The following PPFIA1 variants were observed in gnomAD, a reference collection of about 807,000 sequenced individuals.
The protein encoded by PPFIA1 is PPFI scaffold protein A1.
PPFIA1 carries 25 observed loss-of-function variants against 149.9 expected under a neutral mutation model. The observed-to-expected ratio is 0.17, with a 90% CI of 0.12 to 0.23. The LOEUF (loss-of-function observed/expected upper bound fraction) is 0.23. PPFIA1 is among the 10% of genes least tolerant of loss of function. The pLI, the probability that PPFIA1 is intolerant of heterozygous loss-of-function variation, is 1.00. For missense variants in PPFIA1, 1,362 were observed against 1,506.5 expected, an observed-to-expected ratio of 0.90 and a Z score of 1.59; for synonymous variants, 549 against 552.8, an observed-to-expected ratio of 0.99 and a Z score of 0.10.
chr11:70,315,644 C>A (rs2053562522), intron 2 of PPFIA1, among the ~76,000 whole-genome samples: 2 of 140,650 alleles, frequency 1.4e-5, no homozygotes, highest in East Asian at 4.5e-4. Flanking sequence ...TGAGAAGACA[C>A]AAGACTTTGC....
At chr11:70,304,016 G>T (rs115143889) in intron 2 of PPFIA1, among the ~76,000 whole-genome samples, 19,303 of 145,414 alleles carry the variant, frequency 0.13, 1,335 homozygotes, top group Admixed American at 0.18. Flanking sequence ...AAAAAGAAAA[G>T]ACAAAAAAAA....
chr11:70,299,364 T>C (rs534598921), intron 2 of PPFIA1, among the ~76,000 whole-genome samples: 9 of 152,342 alleles, frequency 5.9e-5, no homozygotes, highest in African/African-American at 2.2e-4. Flanking sequence ...GTGCTTCTGC[T>C]GACATCTCTC....
intron 2 of PPFIA1, among the ~76,000 whole-genome samples, chr11:70,307,254 G>A (rs2052913222): frequency 6.6e-6 from 1 of 152,188 alleles, no homozygotes; most frequent in African/African-American, 2.4e-5. Context: ...ATAGAATGAT[G>A]TATTTACAAG....
intron 2 of PPFIA1, among the ~76,000 whole-genome samples, chr11:70,305,236 CAT>C (rs1355120235): frequency 8.5e-5 from 13 of 152,122 alleles, no homozygotes; most frequent in Admixed American, 7.2e-4. Flanking sequence ...GGGGAGAAAA[CAT>C]AGGTTCAGAA....
At chr11:70,271,615 T>C (rs2050099570) in intron 1 of PPFIA1, among the ~76,000 whole-genome samples, 1 of 152,128 alleles carries the variant, frequency 6.6e-6, no homozygotes, top group African/African-American at 2.4e-5. Flanking sequence ...ATCCGGTTCC[T>C]TTTAGTGCTC....
intron 2 of PPFIA1, among the ~76,000 whole-genome samples, chr11:70,280,637 T>G (rs1470153466): frequency 6.6e-6 from 1 of 152,196 alleles, no homozygotes; most frequent in Non-Finnish European, 1.5e-5. Context: ...GCGTGATCAC[T>G]GTTCACTGCA....
At chr11:70,369,050 A>G (rs1381730712) in intron 21 of PPFIA1, among the ~76,000 whole-genome samples, 1 of 150,862 alleles carries the variant, frequency 6.6e-6, no homozygotes, top group Non-Finnish European at 1.5e-5. Context: ...TCTGCCTCCC[A>G]TAGTGCTGGG....
In PPFIA1 at chr11:70,339,311, G is replaced by C; in HGVS notation, c.1707+5G>C. On this transcript the variant is annotated splice_donor_5th_base_variant and intron_variant, in intron 14 of 27. Transcript: ENST00000253925. The stretch of plus-strand genomic sequence containing the variant: ...CTGCGAGATGAGCCTTCCAAGGCAA[G>C]GTCTTTGTGTGAAATACCTCTGCTT... 1 of 1,611,286 alleles carries C rather than the reference G, an allele frequency of 6.2e-7. No homozygotes were observed. The highest frequency in any genetic ancestry group is 8.5e-7 in the Non-Finnish European group (1 of 1,177,906).
chr11:70,311,715 G>A (rs946148770), intron 2 of PPFIA1, among the ~76,000 whole-genome samples: 1 of 152,040 alleles, frequency 6.6e-6, no homozygotes, highest in African/African-American at 2.4e-5. Flanking sequence ...ACCATGGGTA[G>A]AGTGTAGCTG....
rs1438649775 is a variant in PPFIA1, at chr11:70,376,663, GA to G, written c.3384+66del. 4.1e-5 allele frequency: 54 copies of G among 1,314,990 alleles called. 1 individual carries two copies. The South Asian group carries it at 6.4e-4, about 16-fold the overall frequency. 81.5% of individuals were successfully genotyped at this position (1,314,990 alleles called of 1,614,324 possible). A position where few individuals can be genotyped will look rare whatever the true frequency, so the allele number is the denominator to read the frequency against. On this transcript the variant is annotated intron_variant, in intron 25 of 27. Coordinates refer to ENST00000253925, the MANE Select transcript of PPFIA1 (RefSeq NM_003626.5). ...TGTGTGTAAATGTTTAAATGTGTGTGAAATGTAAGCTGTTATTATTATTATA... is the reference window on the plus strand; with the variant it reads ...TGTGTGTAAATGTTTAAATGTGTGTGAATGTAAGCTGTTATTATTATTATA...
intron 19 of PPFIA1, chr11:70,358,620 G>C (rs892825608): frequency 6.6e-6 from 1 of 152,178 alleles, no homozygotes; most frequent in African/African-American, 2.4e-5. Flanking sequence ...AAGAACGAAC[G>C]TATATTTCTC....
chr11:70,373,717 G>A (rs1368667428), intron 23 of PPFIA1: 2 of 152,142 alleles, frequency 1.3e-5, no homozygotes, highest in Non-Finnish European at 2.9e-5. Flanking sequence ...CCTTAGCCCT[G>A]TCAGTCTAAG....
intron 16 of PPFIA1, among the ~76,000 whole-genome samples, chr11:70,353,887 G>A (rs568804780): frequency 1.3e-5 from 2 of 152,270 alleles, no homozygotes; most frequent in South Asian, 2.1e-4. Flanking sequence ...GGAGATAAAC[G>A]TATTTGTTAC....
At chr11:70,303,650 T>TCC (rs1213544372) in intron 2 of PPFIA1, among the ~76,000 whole-genome samples, 2 of 152,156 alleles carry the variant, frequency 1.3e-5, no homozygotes, top group Non-Finnish European at 2.9e-5. Flanking sequence ...ACTGAGAGTG[T>TCC]CCTTATGTGC....
In PPFIA1 at chr11:70,372,680, G is replaced by A; in HGVS notation, c.3139+106G>A. 3 of 919,554 alleles carry A rather than the reference G, an allele frequency of 3.3e-6. No individual in the cohort carries two copies. In the South Asian group the frequency reaches 4.7e-5, roughly 14 times the overall value. 57.0% of individuals were successfully genotyped at this position (919,554 alleles called of 1,614,324 possible). A position where few individuals can be genotyped will look rare whatever the true frequency, so the allele number is the denominator to read the frequency against. ...AAAAATCAAGAAAGGCTAAATTTAA[G>A]TGGAGAAAACTAACTAGTCTAGTGT... is the stretch of plus-strand genomic sequence containing the variant. On this transcript the variant is annotated intron_variant, in intron 23 of 27. Transcript: ENST00000253925.
intron 2 of PPFIA1, among the ~76,000 whole-genome samples, chr11:70,276,270 C>CTTTTTT (rs567492443): frequency 7.3e-6 from 1 of 136,508 alleles, no homozygotes; most frequent in South Asian, 2.3e-4. Flanking sequence ...CTGCGCCTTG[C>CTTTTTT]TTTTTTTTTT....
chr11:70,296,646 C>T (rs978416608), intron 2 of PPFIA1, among the ~76,000 whole-genome samples: 3 of 150,688 alleles, frequency 2.0e-5, no homozygotes, highest in Admixed American at 1.3e-4. Context: ...AGTCCAGCTT[C>T]GGCTCAGCAT....
intron 2 of PPFIA1, among the ~76,000 whole-genome samples, chr11:70,297,535 G>A (rs2052159724): frequency 6.6e-6 from 1 of 152,236 alleles, no homozygotes; most frequent in Non-Finnish European, 1.5e-5. Flanking sequence ...GTGCATTCAT[G>A]TGTGAGAAGA....
At chr11:70,291,520 A>G (rs2051521632) in intron 2 of PPFIA1, among the ~76,000 whole-genome samples, 1 of 152,294 alleles carries the variant, frequency 6.6e-6, no homozygotes, top group Admixed American at 6.5e-5. Flanking sequence ...ATAGATGCTG[A>G]GGCGTTCACA....
Sources: gnomAD v4.1 joint callset for allele counts (sites outside exome capture counted in the v4.1 genomes callset) on GRCh38, gnomAD v4.1.1 for gene constraint, MANE v1.5 for transcripts, NCBI Gene and HGNC (gene_info 2026-07-23, HGNC 2026-07-21) for gene names.